Variants in PLD1 observed in about 807,000 individuals in gnomAD.
PLD1 encodes choline phosphatase 1.
Under a neutral mutation model 137.1 loss-of-function variants are expected in PLD1, and 112 were observed. The ratio of observed to expected loss-of-function variants is 0.82; its 90% CI spans 0.70 to 0.96. The LOEUF is 0.96. PLD1 is among the 40% of genes least tolerant of loss of function. The pLI is 0.00. For missense variants in PLD1, 1,321 were observed against 1,342.0 expected (o/e 0.98, Z 0.24); for synonymous variants, 431 against 454.7 (o/e 0.95, Z 0.66).
intron 1 of PLD1, among the ~76,000 whole-genome samples, chr3:171,797,105 C>T (rs1723465471): frequency 6.6e-6 from 1 of 152,112 alleles, no homozygotes; most frequent in African/African-American, 2.4e-5. Context: ...TACTCTCCAC[C>T]TGTGCTAGGC....
intron 1 of PLD1, among the ~76,000 whole-genome samples, chr3:171,804,877 G>A (rs1723786284): frequency 6.6e-6 from 1 of 152,214 alleles, no homozygotes; most frequent in African/African-American, 2.4e-5. Flanking sequence ...ATTGACAAAG[G>A]TATTAGCTCC....
At chr3:171,761,911 T>G (rs1721419761) in intron 1 of PLD1, among the ~76,000 whole-genome samples, 1 of 152,112 alleles carries the variant, frequency 6.6e-6, no homozygotes. Context: ...ATCCACACAT[T>G]AAGAAAAAAT....
At position 171,660,606 on chromosome 3, in the gene PLD1, A is replaced by AT. The variant is rs538682204; in HGVS notation, c.2341-1306dup. Among the ~76,000 whole-genome samples the AT allele has an allele frequency of 6.0e-3, 868 of 143,664 alleles. 5 individuals are homozygous for AT. The highest frequency in any genetic ancestry group is 0.016 in the South Asian group (76 of 4,808). The allele number at this position is 143,664 out of a possible 152,430, so 94.2% of individuals were successfully genotyped here. ...AGAAAAGCTGATTATTTTATTTTTT[A>AT]TTTTTTTTATTTTTTTGAGATGGAG... On this transcript the variant is annotated intron_variant, in intron 20 of 26. Transcript: ENST00000351298.
At chr3:171,699,857 C>T (rs1269882865) in intron 11 of PLD1, 31 bp from the exon 12 acceptor site, 1 of 1,544,640 alleles carries the variant, frequency 6.5e-7, no homozygotes, top group Admixed American at 1.7e-5. Context: ...TTTTAAGTAA[C>T]TAAAACAAAA....
intron 19 of PLD1, among the ~76,000 whole-genome samples, chr3:171,668,076 C>T (rs1712336186): frequency 6.6e-6 from 1 of 152,166 alleles, no homozygotes; most frequent in African/African-American, 2.4e-5. Flanking sequence ...TTATTTTAAC[C>T]TCTCAAAGTC....
intron 1 of PLD1, among the ~76,000 whole-genome samples, chr3:171,804,383 C>G (rs1368023150): frequency 6.6e-6 from 1 of 152,038 alleles, no homozygotes; most frequent in East Asian, 1.9e-4. Flanking sequence ...ATAAGTAAAA[C>G]GTTAATTATA....
intron 1 of PLD1, among the ~76,000 whole-genome samples, chr3:171,794,868 C>G (rs1260705881): frequency 6.6e-6 from 1 of 152,142 alleles, no homozygotes; most frequent in Admixed American, 6.5e-5. Flanking sequence ...AAAAAACCAA[C>G]AGAAATCTGT....
At chr3:171,762,005 C>G in intron 1 of PLD1, among the ~76,000 whole-genome samples, 1 of 152,218 alleles carries the variant, frequency 6.6e-6, no homozygotes. Flanking sequence ...TATCAGCATT[C>G]ATTTGAACAC....
intron 1 of PLD1, among the ~76,000 whole-genome samples, chr3:171,753,293 C>G (rs1310993670): frequency 6.6e-6 from 1 of 152,194 alleles, no homozygotes; most frequent in Non-Finnish European, 1.5e-5. Flanking sequence ...TGACGACATT[C>G]CCAAGGGTCA....
At chr3:171,695,660 C>T (rs944210993) in intron 12 of PLD1, among the ~76,000 whole-genome samples, 10 of 152,120 alleles carry the variant, frequency 6.6e-5, no homozygotes, top group Admixed American at 4.6e-4. Context: ...ACTTTTCCTC[C>T]GATTGCTCAA....
chr3:171,687,549 G>A lies in PLD1; in HGVS notation c.1575C>T (p.Leu525=), dbSNP rs1714702730. Residue 525 remains leucine, a synonymous_variant, in exon 15 of 27, where the codon CTC becomes CTT. Transcript: ENST00000351298. ...TTTGAACAGGCTCATTTTTATCTTT[G>A]AGTCTTAAGGATTCCATAGACTCCA... ...AAMESMESLR[L]KDKNEPVQNL... is the part of the protein sequence containing the mutation. 1 of 1,613,912 alleles carries A rather than the reference G, an allele frequency of 6.2e-7. No individual in the cohort carries two copies. The highest frequency in any genetic ancestry group is 2.2e-5 in the East Asian group (1 of 44,876).
At chr3:171,786,600 T>A (rs1159249645) in intron 1 of PLD1, among the ~76,000 whole-genome samples, 1 of 152,236 alleles carries the variant, frequency 6.6e-6, no homozygotes, top group Non-Finnish European at 1.5e-5. Flanking sequence ...TGAATACTGT[T>A]TGAGGACTCA....
At chr3:171,643,569 GT>G (rs1418452583) in intron 22 of PLD1, among the ~76,000 whole-genome samples, 2 of 152,004 alleles carry the variant, frequency 1.3e-5, no homozygotes, top group African/African-American at 4.8e-5. Flanking sequence ...AAAGGTTATA[GT>G]TTTTGTTTCT....
chr3:171,716,430 A>C lies in PLD1; in HGVS notation c.759-2385T>G, dbSNP rs557758407. On this transcript the variant is annotated intron_variant, in intron 8 of 26. Coordinates refer to ENST00000351298, the MANE Select transcript of PLD1 (RefSeq NM_002662.5). ...TTTGTTTGTTTGTTTTTTAATAGCC[A>C]TTCTGGCTGGTGTGAGATGATATCT... Among the ~76,000 whole-genome samples the C allele has an allele frequency of 5.9e-5, 9 of 152,288 alleles. No individual in the cohort carries two copies. In the South Asian group the frequency reaches 6.2e-4, roughly 11 times the overall value.
rs570804278 is a variant in PLD1 at position 171,662,044 on chromosome 3, C to A, written c.2340+16G>T. On this transcript the variant is annotated intron_variant, in intron 20 of 26. Coordinates refer to ENST00000351298, the MANE Select transcript of PLD1 (RefSeq NM_002662.5). ...GAAGGCAGTTTCTCACACGAATTTA[C>A]ATGAGCAAGACTTACTTCGATATAG... 68 of 1,456,290 alleles carry A rather than the reference C, an allele frequency of 4.7e-5. No individual in the cohort carries two copies. The highest frequency in any genetic ancestry group is 6.3e-5 in the Non-Finnish European group (66 of 1,041,624). 90.2% of individuals were successfully genotyped at this position (1,456,290 alleles called of 1,614,324 possible).
intron 12 of PLD1, among the ~76,000 whole-genome samples, chr3:171,697,237 C>CTT (rs34340739): frequency 0.029 from 2,856 of 97,072 alleles, 214 homozygotes; most frequent in African/African-American, 0.089. Context: ...TTCCGGACAC[C>CTT]TTTTTTTTTT....
chr3:171,737,646 G>T lies in PLD1; in HGVS notation c.174C>A (p.Phe58Leu). The T allele has an allele frequency of 6.4e-7, 1 of 1,556,384 alleles. No homozygotes were observed. Among genetic ancestry groups the T allele is most frequent in the Non-Finnish European group, 8.8e-7 (1 of 1,132,848 alleles). Residue 58 changes from phenylalanine to leucine, a missense_variant, in exon 3 of 27, where the codon TTC becomes TTA. Phe to Leu is a conservative substitution (Grantham distance 22, BLOSUM62 0). Transcript: ENST00000351298. ...DPKIQEVYIPFSAIYNTQGFK... is the reference protein window; with the variant it reads ...DPKIQEVYIPLSAIYNTQGFK... ...ATCCTTGAGTGTTATAAATAGCAGA[G>T]AAAGGGATATACACTAAAAAAAAAA...
intron 1 of PLD1, among the ~76,000 whole-genome samples, chr3:171,802,489 G>A (rs747617395): frequency 8.5e-5 from 13 of 152,196 alleles, no homozygotes; most frequent in Admixed American, 5.9e-4. Context: ...CAAAGACTTA[G>A]GAGAAGTGTG....
At chr3:171,695,743 AC>A (rs1015672290) in intron 12 of PLD1, among the ~76,000 whole-genome samples, 4 of 71,804 alleles carry the variant, frequency 5.6e-5, no homozygotes, top group African/African-American at 1.0e-4. Flanking sequence ...AGCCCACCCC[AC>A]CCCCCCAACC....
Sources: allele counts gnomAD v4.1 joint callset (sites outside exome capture counted in the v4.1 genomes callset), GRCh38; gene constraint gnomAD v4.1.1; transcripts MANE v1.5; gene names NCBI Gene and HGNC (gene_info 2026-07-23, HGNC 2026-07-21).